The following PPP6R2 variants were observed in gnomAD, a reference collection of about 807,000 sequenced individuals.
PPP6R2 encodes the protein protein phosphatase 6 regulatory subunit 2, also known as serine/threonine-protein phosphatase 6 regulatory subunit 2.
A neutral mutation model predicts 100.2 loss-of-function variants in PPP6R2; 62 were observed. That is an observed-to-expected ratio of 0.62 (90% CI 0.50 to 0.76). The LOEUF (loss-of-function observed/expected upper bound fraction) is 0.76. Among genes scored for constraint, PPP6R2 ranks in the 30% least tolerant of loss-of-function variants. The pLI is 0.00. For missense variants in PPP6R2, 1,142 were observed against 1,276.3 expected (o/e 0.89, Z 1.60); for synonymous variants, 525 against 514.7 (o/e 1.02, Z -0.27).
At chr22:50,412,955 C>CT (rs1196859526) in intron 4 of PPP6R2, among the ~76,000 whole-genome samples, 1,862 of 118,154 alleles carry the variant, frequency 0.016, 20 homozygotes, top group Middle Eastern at 0.049. Flanking sequence ...TAGATAAGTC[C>CT]TTTTTTTTTT....
chr22:50,387,807 C>T (rs2054551170), intron 2 of PPP6R2, among the ~76,000 whole-genome samples: 1 of 152,180 alleles, frequency 6.6e-6, no homozygotes. Context: ...ATCTCTGTTT[C>T]CGTCTCTTTA....
chr22:50,398,602 G>A (rs535010968), intron 3 of PPP6R2, among the ~76,000 whole-genome samples: 4 of 143,440 alleles, frequency 2.8e-5, no homozygotes, highest in South Asian at 2.2e-4. Context: ...TGCAACCTCC[G>A]CCTCCTGGGT....
chr22:50,434,406 G>A (rs2063740969), intron 12 of PPP6R2, among the ~76,000 whole-genome samples: 1 of 79,024 alleles, frequency 1.3e-5, no homozygotes, highest in Non-Finnish European at 2.4e-5. Flanking sequence ...GAGGAGGGCC[G>A]GGGGCGCGGA....
rs78831640 is a variant in PPP6R2 at position 50,429,039 on chromosome 22, T to C, written c.1126-2134T>C. On this transcript the variant is annotated intron_variant, in intron 10 of 23. Transcript: ENST00000612753. ...ATCAAGAAAGTATGTTGAATTTTTT[T>C]TTTTTTTTGAGACAGAGTTTTGCTC... 3.0e-4 allele frequency among the ~76,000 whole-genome samples: 45 copies of C among 152,294 alleles called. No homozygotes were observed. The East Asian group carries it at 8.1e-3, about 27-fold the overall frequency.
intron 1 of PPP6R2, among the ~76,000 whole-genome samples, chr22:50,362,901 T>G (rs1249000643): frequency 6.6e-6 from 1 of 152,122 alleles, no homozygotes; most frequent in Non-Finnish European, 1.5e-5. Context: ...GTTGAAGGTG[T>G]TGTATTCTGG....
chr22:50,340,158 C>A (rs1401379206), upstream of PPP6R2, among the ~76,000 whole-genome samples: 6 of 42,566 alleles, frequency 1.4e-4, no homozygotes, highest in Admixed American at 2.0e-3. Flanking sequence ...GTGTGTAGGG[C>A]GTGTGGTGTG....
chr22:50,436,328 GGGT>G (rs754617663), intron 13 of PPP6R2, 36 bp from the exon 14 acceptor site: 1 of 1,543,748 alleles, frequency 6.5e-7, no homozygotes, highest in East Asian at 2.4e-5. Context: ...CATCTGCACG[GGGT>G]CTCCCAGGGC....
intron 2 of PPP6R2, among the ~76,000 whole-genome samples, chr22:50,380,707 T>C (rs996936338): frequency 2.7e-5 from 4 of 145,496 alleles, no homozygotes; most frequent in African/African-American, 5.0e-5. Flanking sequence ...GAGTGAGAAC[T>C]GGCCGGGTGC....
intron 2 of PPP6R2, among the ~76,000 whole-genome samples, chr22:50,375,832 ATTTTTTTTT>A (rs557118142): frequency 2.0e-4 from 13 of 64,556 alleles, no homozygotes; most frequent in South Asian, 1.8e-3. Flanking sequence ...ATCCCTGCAG[ATTTTTTTTT>A]TTTTTTTTTT....
At chr22:50,350,590 AAT>A (rs2044839703) in intron 1 of PPP6R2, among the ~76,000 whole-genome samples, 2 of 151,782 alleles carry the variant, frequency 1.3e-5, no homozygotes, top group Non-Finnish European at 2.9e-5. Flanking sequence ...TCACGCCTGT[AAT>A]CCCAGCACTT....
At chr22:50,331,436 C>T in the PPP6R2 span, among the ~76,000 whole-genome samples, 680 of 152,206 alleles carry the variant, frequency 4.5e-3, 1 homozygote, top group Non-Finnish European at 7.4e-3. Flanking sequence ...TTCCAGTTCT[C>T]CACATCCTCC....
upstream of PPP6R2, among the ~76,000 whole-genome samples, chr22:50,338,738 T>TG: frequency 7.3e-6 from 1 of 137,566 alleles, no homozygotes; most frequent in Non-Finnish European, 1.5e-5. Context: ...GTGTAGTGTG[T>TG]GTGTTATGTG....
chr22:50,442,088 T>C (rs1375354491), intron 22 of PPP6R2, among the ~76,000 whole-genome samples: 3 of 152,152 alleles, frequency 2.0e-5, no homozygotes, highest in Non-Finnish European at 4.4e-5. Context: ...GGCTCCATGG[T>C]TGTGAAGGGC....
chr22:50,408,223 A>G (rs1603274711), intron 4 of PPP6R2, among the ~76,000 whole-genome samples: 1 of 152,296 alleles, frequency 6.6e-6, no homozygotes, highest in East Asian at 1.9e-4. Flanking sequence ...TCTTTTAAAT[A>G]TAATCAGAAT....
In PPP6R2 at chr22:50,432,261, C is replaced by T. The variant is rs1356319385; in HGVS notation, c.1336-4C>T. The T allele has an allele frequency of 3.2e-6, 5 of 1,549,788 alleles. No homozygotes were observed. The highest frequency in any genetic ancestry group is 4.4e-6 in the Non-Finnish European group (5 of 1,146,928). On this transcript the variant is annotated splice_region_variant and splice_polypyrimidine_tract_variant and intron_variant, in intron 11 of 23. Coordinates refer to ENST00000612753, the MANE Select transcript of PPP6R2 (RefSeq NM_001242898.2). Reference sequence around the variant, plus strand: ...TCACGCTGTCCCCCTGCCCCGCCCCCCAGCTGTTCCAGAAGTGCTGCCTGG... The same window carrying T: ...TCACGCTGTCCCCCTGCCCCGCCCCTCAGCTGTTCCAGAAGTGCTGCCTGG...
the PPP6R2 span, among the ~76,000 whole-genome samples, chr22:50,331,191 C>T: frequency 4.0e-5 from 6 of 151,860 alleles, no homozygotes; most frequent in East Asian, 1.9e-4. Flanking sequence ...ATGATGTTTT[C>T]GTGTCCATTT....
At position 50,437,403 on chromosome 22, in the gene PPP6R2, C is replaced by T. The variant is rs982462740; in HGVS notation, c.1684-103C>T. The T allele has an allele frequency of 2.5e-5, 20 of 805,512 alleles. No individual in the cohort carries two copies. In the African/African-American group the frequency reaches 2.5e-4, roughly 10 times the overall value. The allele number at this position is 805,512 out of a possible 1,614,324, so 49.9% of individuals were successfully genotyped here. On this transcript the variant is annotated intron_variant, in intron 15 of 23. Transcript: ENST00000612753. ...CCACTTGTGCTGGAGGAGAAGCTCC[C>T]GAACAACTAGAGAGATTGTGGTTCC...
At chr22:50,437,625 T>G (rs772178885) in intron 16 of PPP6R2, 22 bp downstream of exon 16, 8 of 1,567,960 alleles carry the variant, frequency 5.1e-6, no homozygotes, top group Middle Eastern at 1.7e-4. Context: ...TGGAGCGCAC[T>G]CTGCACGAGG....
rs2058118518 is a variant in PPP6R2 at position 50,401,956 on chromosome 22, A to G, written c.228-4733A>G. 1.3e-5 allele frequency among the ~76,000 whole-genome samples: 2 copies of G among 152,248 alleles called. 1 individual carries two copies. Among genetic ancestry groups the G allele is most frequent in the South Asian group, 4.1e-4 (2 of 4,834 alleles). ...GCCCATATTTTTAATTTCTAAGAGC[A>G]GTTTCTTATTCTCATATATTTTAAT... On this transcript the variant is annotated intron_variant, in intron 3 of 23. Coordinates refer to ENST00000612753, the MANE Select transcript of PPP6R2 (RefSeq NM_001242898.2).
Sources: gnomAD v4.1 joint callset for allele counts (sites outside exome capture counted in the v4.1 genomes callset) on GRCh38, gnomAD v4.1.1 for gene constraint, MANE v1.5 for transcripts, NCBI Gene and HGNC (gene_info 2026-07-23, HGNC 2026-07-21) for gene names.